The following CELF5 variants were observed in gnomAD, a reference collection of about 807,000 sequenced individuals.
CELF5 encodes CUGBP Elav-like family member 5.
A neutral mutation model predicts 54.9 loss-of-function variants in CELF5; 6 were observed. The ratio of observed to expected loss-of-function variants is 0.11; its 90% CI spans 0.06 to 0.22. The LOEUF is 0.22. CELF5 is among the 10% of genes least tolerant of loss of function. CELF5 has a pLI of 1.00. For missense variants in CELF5, 401 were observed against 678.6 expected (o/e 0.59, Z 4.54); for synonymous variants, 271 against 290.9 (o/e 0.93, Z 0.70).
At chr19:3,255,955 C>T (rs556639141) in intron 2 of CELF5, among the ~76,000 whole-genome samples, 74 of 151,704 alleles carry the variant, frequency 4.9e-4, no homozygotes, top group African/African-American at 1.6e-3. Flanking sequence ...ATCCCAGCTA[C>T]TCGGGAGGCT....
intron 9 of CELF5, 48 bp from the exon 10 acceptor site, chr19:3,285,894 G>T: frequency 3.7e-6 from 3 of 815,502 alleles, no homozygotes; most frequent in Non-Finnish European, 4.7e-6. Context: ...GGCCGCCCAC[G>T]TGGCCTCACG....
Position 3,228,279 on chromosome 19 carries a change from C to T in CELF5, c.259+3281C>T, listed in dbSNP as rs1213833647. On this transcript the variant is annotated intron_variant, in intron 1 of 12. Transcript: ENST00000292672. The surrounding 1 kb of genome is among the most constrained non-coding windows in gnomAD (Gnocchi z 6.0). ...CACAAGCCTGCTCCTGCCAGAACTC[C>T]GCATCCAGAGAGCGGGGACCTCCCC... 2.0e-5 allele frequency among the ~76,000 whole-genome samples: 3 copies of T among 152,120 alleles called. No homozygotes were observed. Among genetic ancestry groups the T allele is most frequent in the Non-Finnish European group, 4.4e-5 (3 of 68,010 alleles).
chr19:3,227,941 G>T (rs1043420505), intron 1 of CELF5, among the ~76,000 whole-genome samples: 16 of 152,132 alleles, frequency 1.1e-4, no homozygotes, highest in African/African-American at 3.6e-4. Flanking sequence ...GCCACAGCTG[G>T]CCTGGCCGAA....
At chr19:3,233,867 G>A (rs1568328779) in intron 1 of CELF5, among the ~76,000 whole-genome samples, 1 of 152,192 alleles carries the variant, frequency 6.6e-6, no homozygotes, top group Non-Finnish European at 1.5e-5. Context: ...TTTTAGATGG[G>A]GAAACTAAGG....
At chr19:3,294,356 G>T (rs1392212022) in intron 12 of CELF5, 7 of 151,798 alleles carry the variant, frequency 4.6e-5, no homozygotes, top group Non-Finnish European at 1.0e-4. Context: ...GCATCTTTTC[G>T]CAGCCGAGCC....
intron 2 of CELF5, among the ~76,000 whole-genome samples, chr19:3,263,065 G>A (rs2079827581): frequency 6.6e-6 from 1 of 151,622 alleles, no homozygotes; most frequent in South Asian, 2.1e-4. Context: ...GGCCAACATG[G>A]TGAAACTCCG....
rs2079911040 is a variant in CELF5 at position 3,268,274 on chromosome 19, T to C, written c.343-5598T>C. The stretch of plus-strand genomic sequence containing the variant: ...TCAGCCTCCCAAAGTGCTAAAGTGC[T>C]GGGGTTACAGGTGTGAGCCACCACA... On this transcript the variant is annotated intron_variant, in intron 2 of 12. Transcript: ENST00000292672. The surrounding 1 kb of genome is among the most constrained non-coding windows in gnomAD (Gnocchi z 4.4). Among the ~76,000 whole-genome samples, 1 of 152,136 alleles carries C rather than the reference T, an allele frequency of 6.6e-6. No homozygotes were observed. The highest frequency in any genetic ancestry group is 2.4e-5 in the African/African-American group (1 of 41,432).
At chr19:3,286,915 G>C (rs1346533294) in intron 10 of CELF5, 1 of 150,782 alleles carries the variant, frequency 6.6e-6, no homozygotes, top group African/African-American at 2.4e-5. Flanking sequence ...GGCGCCTGTG[G>C]TCCCAGCTAC....
In CELF5 at chr19:3,282,586, G is replaced by A; in HGVS notation, c.1039+88G>A. On this transcript the variant is annotated intron_variant, in intron 8 of 12. Coordinates refer to ENST00000292672, the MANE Select transcript of CELF5 (RefSeq NM_021938.4). The surrounding 1 kb of genome is among the most constrained non-coding windows in gnomAD (Gnocchi z 5.2). ...AACAAGTATGAGTCCCTACATCACA[G>A]TGCCCAGGGAACAGAAGGGCAGGAA... The A allele has an allele frequency of 1.4e-6, 2 of 1,445,170 alleles. No homozygotes were observed. The highest frequency in any genetic ancestry group is 1.4e-5 in the African/African-American group (1 of 71,260). 89.5% of individuals were successfully genotyped at this position (1,445,170 alleles called of 1,614,324 possible).
chr19:3,287,516 G>A (rs183094266), intron 10 of CELF5, among the ~76,000 whole-genome samples: 16 of 150,078 alleles, frequency 1.1e-4, no homozygotes, highest in Admixed American at 3.3e-4. Flanking sequence ...CCAAGATTGC[G>A]CCACTGCACT....
chr19:3,263,461 T>C (rs181530744), intron 2 of CELF5, among the ~76,000 whole-genome samples: 56 of 151,950 alleles, frequency 3.7e-4, no homozygotes, highest in Admixed American at 3.0e-3. Context: ...CTCAGGAGGC[T>C]GAGGCACACG....
chr19:3,243,647 T>A (rs2079522876), intron 1 of CELF5, among the ~76,000 whole-genome samples: 1 of 152,138 alleles, frequency 6.6e-6, no homozygotes. Context: ...TTGCAGGCGC[T>A]GCCGTAACCA....
At chr19:3,255,372 C>T (rs764208931) in intron 2 of CELF5, among the ~76,000 whole-genome samples, 2 of 152,272 alleles carry the variant, frequency 1.3e-5, no homozygotes, top group South Asian at 2.1e-4. Context: ...TTAGTAGAGT[C>T]GGGGTTTCAC....
intron 2 of CELF5, among the ~76,000 whole-genome samples, chr19:3,266,208 G>T (rs369397968): frequency 6.6e-6 from 1 of 152,184 alleles, no homozygotes; most frequent in Non-Finnish European, 1.5e-5. Flanking sequence ...ATGGAAAGGC[G>T]GTAACTTCTA....
intron 1 of CELF5, among the ~76,000 whole-genome samples, chr19:3,249,113 G>A (rs1018409383): frequency 1.3e-5 from 2 of 151,828 alleles, no homozygotes; most frequent in Non-Finnish European, 2.9e-5. Context: ...ATTAGCTCCT[G>A]CCTGGAGAAG....
intron 2 of CELF5, among the ~76,000 whole-genome samples, chr19:3,269,469 C>A (rs1001817952): frequency 1.2e-4 from 18 of 152,146 alleles, no homozygotes; most frequent in African/African-American, 4.3e-4. Context: ...TGAGCCACCG[C>A]GCCCGGCCCC....
chr19:3,230,044 C>T (rs1175579384), intron 1 of CELF5, among the ~76,000 whole-genome samples: 2 of 152,090 alleles, frequency 1.3e-5, no homozygotes, highest in Non-Finnish European at 2.9e-5. Flanking sequence ...GCAAGTGAGG[C>T]CTTGGCCATT....
intron 2 of CELF5, among the ~76,000 whole-genome samples, chr19:3,271,719 T>G (rs1599452103): frequency 1.3e-5 from 2 of 148,282 alleles, no homozygotes; most frequent in South Asian, 2.2e-4. Flanking sequence ...GCTGAGGGGG[T>G]GGGAGGTGGA....
At chr19:3,247,407 T>G (rs2079582494) in intron 1 of CELF5, among the ~76,000 whole-genome samples, 1 of 152,042 alleles carries the variant, frequency 6.6e-6, no homozygotes, top group Admixed American at 6.5e-5. Context: ...ATTACAGGCG[T>G]GAGCCATCAC....
Sources: gnomAD v4.1 joint callset for allele counts (sites outside exome capture counted in the v4.1 genomes callset) on GRCh38, gnomAD v4.1.1 for gene constraint, Gnocchi (gnomAD v3.1) non-coding constraint, MANE v1.5 for transcripts, NCBI Gene and HGNC (gene_info 2026-07-23, HGNC 2026-07-21) for gene names.